The following ADGRL2 variants were observed in gnomAD, a reference collection of about 807,000 sequenced individuals.
ADGRL2 encodes adhesion G protein-coupled receptor L2, also known as calcium-independent alpha-latrotoxin receptor 2.
Under a neutral mutation model 157.4 loss-of-function variants are expected in ADGRL2, and 44 were observed. That is an observed-to-expected ratio of 0.28 (90% CI 0.22 to 0.36). The LOEUF (loss-of-function observed/expected upper bound fraction) is 0.36, where lower values mean the gene tolerates loss of function less well. ADGRL2 is among the 10% of genes least tolerant of loss of function. The pLI, the probability that ADGRL2 is intolerant of heterozygous loss-of-function variation, is 1.00. For missense variants in ADGRL2, 1,510 were observed against 1,768.9 expected, an observed-to-expected ratio of 0.85 and a Z score of 2.63; for synonymous variants, 585 against 624.7, an observed-to-expected ratio of 0.94 and a Z score of 0.95.
intron 3 of ADGRL2, among the ~76,000 whole-genome samples, chr1:81,629,873 G>A (rs1478608888): frequency 6.6e-6 from 1 of 151,888 alleles, no homozygotes; most frequent in Non-Finnish European, 1.5e-5. Flanking sequence ...TTGCAAGTGT[G>A]AGCCACCATG....
chr1:81,708,556 C>T (rs2083817328), intron 1 of ADGRL2, among the ~76,000 whole-genome samples: 1 of 151,972 alleles, frequency 6.6e-6, no homozygotes, highest in Admixed American at 6.6e-5. Flanking sequence ...ATAAATGTTT[C>T]TGCACACATT....
intron 2 of ADGRL2, among the ~76,000 whole-genome samples, chr1:81,778,597 G>T (rs536497183): frequency 6.6e-6 from 1 of 152,094 alleles, no homozygotes; most frequent in African/African-American, 2.4e-5. Context: ...ATTCCGCACC[G>T]CTCACTGCCA....
At chr1:81,322,703 A>C (rs1202927466) in intron 1 of ADGRL2, among the ~76,000 whole-genome samples, 1 of 152,146 alleles carries the variant, frequency 6.6e-6, no homozygotes, top group Admixed American at 6.5e-5. Flanking sequence ...AAAACACGGT[A>C]TATCAAAAAT....
chr1:81,584,473 A>G (rs2080982545), intron 3 of ADGRL2, among the ~76,000 whole-genome samples: 1 of 152,152 alleles, frequency 6.6e-6, no homozygotes, highest in Non-Finnish European at 1.5e-5. Context: ...TTTGGTCTGC[A>G]GCTGTATTTT....
At chr1:81,978,608 A>G (rs1212471357) in intron 17 of ADGRL2, among the ~76,000 whole-genome samples, 1 of 151,848 alleles carries the variant, frequency 6.6e-6, no homozygotes, top group Non-Finnish European at 1.5e-5. Flanking sequence ...CACAGCCTAC[A>G]TTAAAGCTTT....
chr1:81,699,245 A>T (rs2083508598), upstream of ADGRL2, among the ~76,000 whole-genome samples: 1 of 152,266 alleles, frequency 6.6e-6, no homozygotes, highest in African/African-American at 2.4e-5. Context: ...GGAACATAAA[A>T]AGAGCCCATT....
intron 1 of ADGRL2, among the ~76,000 whole-genome samples, chr1:81,724,335 A>T (rs2084437014): frequency 6.6e-6 from 1 of 152,168 alleles, no homozygotes. Flanking sequence ...ATCTTGTAGT[A>T]TTCATATTTG....
intron 2 of ADGRL2, among the ~76,000 whole-genome samples, chr1:81,842,094 A>G (rs1160512278): frequency 1.3e-5 from 2 of 152,062 alleles, no homozygotes; most frequent in Non-Finnish European, 2.9e-5. Context: ...GCATCACACT[A>G]TAAGAGCCAC....
In ADGRL2 at chr1:81,968,044, G is replaced by A. The variant is rs1657644651; in HGVS notation, c.2368G>A (p.Ala790Thr). 8.1e-6 allele frequency: 13 copies of A among 1,613,688 alleles called. No homozygotes were observed. The highest frequency in any genetic ancestry group is 1.1e-5 in the Non-Finnish European group (13 of 1,179,766). Residue 790 changes from alanine (A) to threonine (T), a missense_variant, in exon 14 of 24, where the codon GCA (alanine) becomes ACA (threonine). By Grantham distance (58) the Ala-to-Thr change is moderately conservative. This residue lies in a region of ADGRL2 where 497 missense variants were observed against 627.2 expected (regional missense o/e 0.79). Transcript: ENST00000686636. ...PHIDPDNYFN[A>T]NCSFWNYSER... ...TTCCCAGCCTGACAATTATTTCAAT[G>A]CAAACTGCTCCTTCTGGAACTACTC...
At chr1:81,572,523 CTT>C (rs892150334) in intron 2 of ADGRL2, among the ~76,000 whole-genome samples, 36 of 152,254 alleles carry the variant, frequency 2.4e-4, no homozygotes, top group African/African-American at 7.7e-4. Flanking sequence ...AGTATATTAA[CTT>C]CACATTAAAC....
At chr1:81,767,070 T>A (rs1260073387) in intron 2 of ADGRL2, among the ~76,000 whole-genome samples, 1 of 152,132 alleles carries the variant, frequency 6.6e-6, no homozygotes, top group African/African-American at 2.4e-5. Flanking sequence ...TATATAATTG[T>A]TGTTTATGTT....
rs138232396 is a variant in ADGRL2, at chr1:81,578,697, C to G, written c.-247-2179C>G. On this transcript the variant is annotated intron_variant, in intron 2 of 24. Coordinates refer to the ADGRL2 transcript ENST00000370721. The stretch of plus-strand genomic sequence containing the variant: ...AAATTTTTTTGAGCAAAATTTCAAA[C>G]CAGTGAAAACAACAAACAACAAACC... Among the ~76,000 whole-genome samples the G allele has an allele frequency of 2.5e-4, 38 of 152,144 alleles. No individual in the cohort carries two copies. In the East Asian group the frequency reaches 7.4e-3, roughly 29 times the overall value.
chr1:81,752,820 A>G (rs2085534085), intron 1 of ADGRL2, among the ~76,000 whole-genome samples: 1 of 152,236 alleles, frequency 6.6e-6, no homozygotes, highest in Admixed American at 6.5e-5. Flanking sequence ...GAAGCCAAAT[A>G]GCTACAGTAG....
intron 3 of ADGRL2, among the ~76,000 whole-genome samples, chr1:81,653,477 C>G (rs1158916237): frequency 6.6e-6 from 1 of 152,144 alleles, no homozygotes; most frequent in Non-Finnish European, 1.5e-5. Flanking sequence ...GAGAATTTCA[C>G]TCATGGAAGA....
At chr1:81,707,768 A>G (rs2083786546) in intron 1 of ADGRL2, among the ~76,000 whole-genome samples, 1 of 152,062 alleles carries the variant, frequency 6.6e-6, no homozygotes, top group Admixed American at 6.6e-5. Context: ...TTTTTGCCCT[A>G]TTCGAATACT....
At chr1:81,909,999 C>A (rs751099057) in intron 3 of ADGRL2, among the ~76,000 whole-genome samples, 2 of 151,748 alleles carry the variant, frequency 1.3e-5, no homozygotes, top group South Asian at 4.2e-4. Context: ...CAGCACTTTG[C>A]GAGGCCGAGG....
At chr1:81,759,801 T>C (rs951008735) in intron 1 of ADGRL2, among the ~76,000 whole-genome samples, 2 of 152,130 alleles carry the variant, frequency 1.3e-5, no homozygotes, top group Admixed American at 6.6e-5. Flanking sequence ...TTATTTTCCT[T>C]CCTTCTCTGA....
chr1:81,466,812 C>A (rs1475562907), intron 2 of ADGRL2, among the ~76,000 whole-genome samples: 1 of 151,942 alleles, frequency 6.6e-6, no homozygotes, highest in Non-Finnish European at 1.5e-5. Flanking sequence ...AAATTAAAGT[C>A]AATTAAACCA....
chr1:81,816,945 A>G (rs2090461630), intron 1 of ADGRL2, among the ~76,000 whole-genome samples: 1 of 148,630 alleles, frequency 6.7e-6, no homozygotes. Flanking sequence ...TGAATGTTGA[A>G]TTCTTAGTTT....
Sources: gnomAD v4.1 joint callset for allele counts (sites outside exome capture counted in the v4.1 genomes callset) on GRCh38, gnomAD v4.1.1 for gene constraint, gnomAD v4.1.1 regional missense constraint, MANE v1.5 for transcripts, NCBI Gene and HGNC (gene_info 2026-07-23, HGNC 2026-07-21) for gene names.